The following MROH9 variants were observed in gnomAD, a reference collection of about 807,000 sequenced individuals.
The protein encoded by MROH9 is maestro heat like repeat family member 9.
A neutral mutation model predicts 98.2 loss-of-function variants in MROH9; 92 were observed. That is an observed-to-expected ratio of 0.94 (90% confidence interval 0.79 to 1.11). MROH9 has a LOEUF of 1.11. Among genes scored for constraint, MROH9 ranks in the 50% most tolerant of loss-of-function variants. The probability of loss-of-function intolerance (pLI) is 0.00; values close to 1 mark genes in which losing one functional copy is unlikely to be tolerated. For synonymous variants in MROH9, 397 were observed against 368.9 expected, an observed-to-expected ratio of 1.08 and a Z score of -0.87; for missense variants, 1,057 against 1,014.8, an observed-to-expected ratio of 1.04 and a Z score of -0.57.
intron 15 of MROH9, among the ~76,000 whole-genome samples, chr1:171,013,698 C>T (rs989375302): frequency 6.6e-6 from 1 of 152,108 alleles, no homozygotes. Context: ...GCTACCGTTT[C>T]GCTCACCATT....
chr1:171,023,348 T>C (rs1304400529), intron 17 of MROH9, among the ~76,000 whole-genome samples: 2 of 152,216 alleles, frequency 1.3e-5, no homozygotes, highest in African/African-American at 4.8e-5. Context: ...CCTGGTTGTA[T>C]GCCAGTATGC....
chr1:170,983,536 T>A lies in MROH9; in HGVS notation c.729+2T>A, dbSNP rs1651013312. On this transcript the variant is annotated splice_donor_variant, in intron 9 of 21. Coordinates refer to ENST00000367759, the MANE Select transcript of MROH9 (RefSeq NM_001163629.2). LOFTEE classifies it high-confidence loss of function. ...CAAGACGAAAGTAAAATAGCTCAGG[T>A]AACTTAGCCCCCACTTTTTCCGAGG... 4 of 1,568,550 alleles carry A rather than the reference T, an allele frequency of 2.6e-6. No individual in the cohort carries two copies. In the East Asian group the frequency reaches 9.0e-5, roughly 35 times the overall value.
At chr1:170,970,287 G>A (rs1017382912) in intron 7 of MROH9, among the ~76,000 whole-genome samples, 2 of 152,066 alleles carry the variant, frequency 1.3e-5, no homozygotes, top group African/African-American at 4.8e-5. Flanking sequence ...GGTAAGCTGT[G>A]AGAAGTACTA....
At chr1:171,023,983 T>C (rs1652607352) in intron 17 of MROH9, among the ~76,000 whole-genome samples, 2 of 151,204 alleles carry the variant, frequency 1.3e-5, no homozygotes, top group Non-Finnish European at 2.9e-5. Context: ...ATATTCCACA[T>C]ATAAGTGAGA....
chr1:171,050,126 CTTTAG>C (rs58522928), intron 20 of MROH9, among the ~76,000 whole-genome samples: 18,308 of 152,106 alleles, frequency 0.12, 1,185 homozygotes, highest in Middle Eastern at 0.22. Context: ...TGTGCAGAAA[CTTTAG>C]TTTAATTAAG....
At chr1:171,061,486 A>T (rs772687822) in intron 20 of MROH9, among the ~76,000 whole-genome samples, 1 of 152,222 alleles carries the variant, frequency 6.6e-6, no homozygotes, top group Non-Finnish European at 1.5e-5. Flanking sequence ...GAATGGATTT[A>T]AAAAATGATG....
At chr1:170,936,033 C>T (rs1244633184) in intron 1 of MROH9, among the ~76,000 whole-genome samples, 1 of 141,970 alleles carries the variant, frequency 7.0e-6, no homozygotes, top group African/African-American at 2.6e-5. Context: ...AATTACATTA[C>T]TATGGGCCCT....
chr1:171,033,098 T>G (rs1316529235), intron 20 of MROH9, among the ~76,000 whole-genome samples: 1 of 152,220 alleles, frequency 6.6e-6, no homozygotes, highest in East Asian at 1.9e-4. Flanking sequence ...GGACAAGTCT[T>G]GGGACCAAGC....
Position 170,958,462 on chromosome 1 carries a change from C to T in MROH9, c.74C>T (p.Ala25Val). 1.3e-6 allele frequency: 2 copies of T among 1,540,970 alleles called. No individual in the cohort carries two copies. Among genetic ancestry groups the T allele is most frequent in the Non-Finnish European group, 1.8e-6 (2 of 1,128,974 alleles). The change falls in exon 4 of 22, where the codon GCA (alanine) becomes GTA (valine). Residue 25 changes from alanine to valine, a missense_variant and splice_region_variant. By Grantham distance (64) the Ala-to-Val change is moderately conservative (BLOSUM62 0). Transcript: ENST00000367759. The stretch of plus-strand genomic sequence containing the variant: ...TTTTTTTTTTAACATGGTACTTAGG[C>T]ACATAAAGTTAACAGCCTATTGGAT... ...LQDSVKWHHM[A>V]HKVNSLLDAY...
In MROH9 at chr1:171,036,949, C is replaced by T. The variant is rs945628697; in HGVS notation, c.2281+11529C>T. On this transcript the variant is annotated intron_variant, in intron 20 of 21. Transcript: ENST00000367759. ...TAAGAAAAATCAAGGAAATGGTCAA[C>T]ATAAAATTCAACATACTAGTTTATC... Among the ~76,000 whole-genome samples, 3 of 151,360 alleles carry T rather than the reference C, an allele frequency of 2.0e-5. No individual in the cohort carries two copies. In the East Asian group the frequency reaches 5.8e-4, roughly 29 times the overall value.
chr1:171,008,061 G>A (rs925578678), intron 15 of MROH9, among the ~76,000 whole-genome samples: 5 of 152,024 alleles, frequency 3.3e-5, no homozygotes, highest in African/African-American at 1.2e-4. Flanking sequence ...CTTCTCTGGG[G>A]GATAATCATG....
chr1:171,010,210 T>C (rs1652102217), intron 15 of MROH9, among the ~76,000 whole-genome samples: 1 of 152,190 alleles, frequency 6.6e-6, no homozygotes, highest in South Asian at 2.1e-4. Flanking sequence ...TTTTCTGTTC[T>C]TGTGATAGTT....
intron 3 of MROH9, among the ~76,000 whole-genome samples, chr1:170,947,906 C>T (rs1649395274): frequency 6.6e-6 from 1 of 152,002 alleles, no homozygotes; most frequent in African/African-American, 2.4e-5. Context: ...TCCCTTCCAT[C>T]ATCACTGTGG....
In MROH9 at chr1:170,947,567, C is replaced by G; in HGVS notation, c.66C>G (p.His22Gln). Residue 22 changes from histidine to glutamine, a missense_variant, in exon 3 of 22, where the codon CAC becomes CAG. Transcript: ENST00000367759. ...LQILQDSVKW[H>Q]HMAHKVNSLL... ...TTCTGCAAGACAGTGTGAAATGGCACCACATGGTAAGTGATATTCTATAAG... is the reference window on the plus strand; with the variant it reads ...TTCTGCAAGACAGTGTGAAATGGCAGCACATGGTAAGTGATATTCTATAAG... 1.2e-6 allele frequency: 2 copies of G among 1,609,860 alleles called. No individual in the cohort carries two copies. Among genetic ancestry groups the G allele is most frequent in the Non-Finnish European group, 1.7e-6 (2 of 1,176,986 alleles).
At chr1:170,996,117 A>G (rs1229264260) in intron 13 of MROH9, among the ~76,000 whole-genome samples, 1 of 152,146 alleles carries the variant, frequency 6.6e-6, no homozygotes, top group African/African-American at 2.4e-5. Flanking sequence ...TATTTGCCCT[A>G]TTCTCTAAGA....
At chr1:170,946,087 T>C (rs542628900) in intron 2 of MROH9, among the ~76,000 whole-genome samples, 1 of 151,496 alleles carries the variant, frequency 6.6e-6, no homozygotes, top group East Asian at 1.9e-4. Context: ...GTTATCAAAA[T>C]AAAACAAAAC....
intron 3 of MROH9, among the ~76,000 whole-genome samples, chr1:170,955,049 G>A (rs1397692574): frequency 1.3e-5 from 2 of 152,030 alleles, no homozygotes; most frequent in Non-Finnish European, 2.9e-5. Context: ...ACATATCACA[G>A]AGAACATACG....
chr1:170,964,874 A>G (rs1158648019), intron 6 of MROH9, among the ~76,000 whole-genome samples: 2 of 152,090 alleles, frequency 1.3e-5, no homozygotes, highest in Admixed American at 1.3e-4. Flanking sequence ...TTCGTACTGA[A>G]CTATTCATGG....
At chr1:170,987,114 C>T (rs535718498) in intron 10 of MROH9, among the ~76,000 whole-genome samples, 59 of 152,238 alleles carry the variant, frequency 3.9e-4, no homozygotes, top group African/African-American at 1.4e-3. Context: ...ACCTTGGCCT[C>T]CCAAAGCATG....
Sources: gnomAD v4.1 joint callset for allele counts (sites outside exome capture counted in the v4.1 genomes callset) on GRCh38, gnomAD v4.1.1 for gene constraint, MANE v1.5 for transcripts, NCBI Gene and HGNC (gene_info 2026-07-23, HGNC 2026-07-21) for gene names.